ZFHX4: variants seen among roughly 807,000 people sequenced by gnomAD.
ZFHX4 encodes the protein zinc finger homeobox 4.
Under a neutral mutation model 267.6 loss-of-function variants are expected in ZFHX4, and 56 were observed. That is an observed-to-expected ratio of 0.21 (90% CI 0.17 to 0.26). The LOEUF (loss-of-function observed/expected upper bound fraction) is 0.26. Ranked by LOEUF, ZFHX4 falls within the 10% of genes least tolerant of loss-of-function variation. ZFHX4 has a pLI of 1.00. For missense variants in ZFHX4, 4,332 were observed against 4,420.0 expected (o/e 0.98, Z 0.56); for synonymous variants, 1,778 against 1,665.6 (o/e 1.07, Z -1.64).
rs1201970819 is a variant in ZFHX4, at chr8:76,852,095, C to A, written c.5174C>A (p.Thr1725Asn). The change falls in exon 10 of 11, where the codon ACC becomes AAC. Residue 1725 changes from threonine (T) to asparagine (N), a missense_variant. Physicochemically the swap from Thr to Asn is moderately conservative, Grantham distance 65 (BLOSUM62 0). Coordinates refer to ENST00000651372, the MANE Select transcript of ZFHX4 (RefSeq NM_024721.5). ...GCCTTTTTGCCTCATTTTCCTATGA[C>A]CCCAGAAGCACTGCTGCAGTTTCAG... ...NPAFLPHFPM[T>N]PEALLQFQQP... 8 of 1,613,852 alleles carry A rather than the reference C, an allele frequency of 5.0e-6. No individual in the cohort carries two copies. In the Admixed American group the frequency reaches 8.3e-5, roughly 17 times the overall value.
At chr8:76,843,539 G>A (rs990331725) in intron 6 of ZFHX4, among the ~76,000 whole-genome samples, 1 of 152,104 alleles carries the variant, frequency 6.6e-6, no homozygotes, top group Admixed American at 6.6e-5. Flanking sequence ...GCAAATATAT[G>A]ACTTCATCCA....
At chr8:76,762,012 G>T (rs912219531) in intron 3 of ZFHX4, among the ~76,000 whole-genome samples, 1 of 152,174 alleles carries the variant, frequency 6.6e-6, no homozygotes, top group African/African-American at 2.4e-5. Context: ...AAGATTTTTA[G>T]AATGCTTTCT....
Position 76,708,099 on chromosome 8 carries a change from C to G in ZFHX4, c.3093+51C>G, listed in dbSNP as rs775591598. On this transcript the variant is annotated intron_variant, in intron 3 of 10. Transcript: ENST00000651372. ...GGCACAGAGTAGAAAAGGGAATTAA[C>G]TCTTTCAGAGCTTGGAGCACAAGTC... 2.5e-6 allele frequency: 4 copies of G among 1,603,926 alleles called. No individual in the cohort carries two copies. The African/African-American group carries it at 5.4e-5, about 21-fold the overall frequency.
intron 1 of ZFHX4, chr8:76,682,676 C>CGTGTGG (rs1807572061): frequency 6.5e-6 from 1 of 153,010 alleles, no homozygotes; most frequent in African/African-American, 2.4e-5. Flanking sequence ...GGGGTGTGTG[C>CGTGTGG]GTGTGCGTGT....
intron 4 of ZFHX4, among the ~76,000 whole-genome samples, chr8:76,806,300 G>A (rs1408142407): frequency 6.6e-6 from 1 of 152,058 alleles, no homozygotes; most frequent in Non-Finnish European, 1.5e-5. Flanking sequence ...ACAGGGAAAT[G>A]ATGAGATGGC....
rs368515394 is a variant in ZFHX4 at position 76,705,273 on chromosome 8, G to A, written c.1185G>A (p.Pro395=). Residue 395 remains proline, a synonymous_variant, in exon 2 of 11, where the codon CCG becomes CCA. Coordinates refer to ENST00000651372, the MANE Select transcript of ZFHX4 (RefSeq NM_024721.5). ...SASTSSSAEQ[P]LGITQMPKAE... ...GCACCTCGAGCTCAGCAGAGCAGCC[G>A]CTGGGGATTACCCAAATGCCAAAGG... The A allele has an allele frequency of 5.0e-5, 81 of 1,613,958 alleles. No homozygotes were observed. In the African/African-American group the frequency reaches 7.6e-4, roughly 15 times the overall value.
At chr8:76,701,618 C>A (rs892271324) in intron 1 of ZFHX4, among the ~76,000 whole-genome samples, 1 of 152,088 alleles carries the variant, frequency 6.6e-6, no homozygotes, top group Non-Finnish European at 1.5e-5. Flanking sequence ...ACATTTTATG[C>A]AATTCATTTG....
chr8:76,834,430 C>T (rs1812017162), intron 5 of ZFHX4: 1 of 212,800 alleles, frequency 4.7e-6, no homozygotes, highest in Non-Finnish European at 9.8e-6. Flanking sequence ...TGGCCATTTT[C>T]ATAGGTGTGT....
intron 4 of ZFHX4, among the ~76,000 whole-genome samples, chr8:76,787,804 C>T (rs1810732868): frequency 1.3e-5 from 2 of 151,934 alleles, no homozygotes; most frequent in South Asian, 4.1e-4. Context: ...CTGAGCAAGA[C>T]TCTGCCTCAA....
At chr8:76,848,582 G>A (rs16939377) in intron 6 of ZFHX4, among the ~76,000 whole-genome samples, 4 of 152,144 alleles carry the variant, frequency 2.6e-5, no homozygotes, top group African/African-American at 7.2e-5. Flanking sequence ...TTCTCAGAAC[G>A]TTGAAATATT....
chr8:76,862,980 C>G, intron 10 of ZFHX4, 114 bp from the exon 11 acceptor site: 1 of 1,390,926 alleles, frequency 7.2e-7, no homozygotes, highest in Non-Finnish European at 9.3e-7. Context: ...GTGTGTAATA[C>G]ATCTTTTCTG....
intron 3 of ZFHX4, among the ~76,000 whole-genome samples, chr8:76,718,562 G>A (rs1295049149): frequency 6.6e-6 from 1 of 152,110 alleles, no homozygotes; most frequent in East Asian, 1.9e-4. Flanking sequence ...CTTAAAAATA[G>A]GTGCAAGGGG....
intron 3 of ZFHX4, among the ~76,000 whole-genome samples, chr8:76,730,568 G>A (rs1808981965): frequency 1.3e-5 from 2 of 152,068 alleles, no homozygotes; most frequent in Admixed American, 1.3e-4. Flanking sequence ...GCATGGTGAT[G>A]GGCACCTGTA....
At chr8:76,819,635 G>A (rs1005868196) in intron 4 of ZFHX4, among the ~76,000 whole-genome samples, 21 of 152,158 alleles carry the variant, frequency 1.4e-4, no homozygotes, top group African/African-American at 4.6e-4. Context: ...CATGCATTTG[G>A]CAGGAAGAAG....
intron 3 of ZFHX4, among the ~76,000 whole-genome samples, chr8:76,759,057 C>T (rs530442283): frequency 6.6e-5 from 10 of 152,258 alleles, no homozygotes; most frequent in African/African-American, 2.4e-4. Context: ...GAAAGATTTT[C>T]TTTACATACA....
At chr8:76,743,532 C>T (rs1039661472) in intron 3 of ZFHX4, among the ~76,000 whole-genome samples, 3 of 152,164 alleles carry the variant, frequency 2.0e-5, no homozygotes, top group Admixed American at 2.0e-4. Flanking sequence ...AACCTTAAAA[C>T]TCCCAACTCT....
chr8:76,760,738 G>A (rs1809888632), intron 3 of ZFHX4, among the ~76,000 whole-genome samples: 1 of 151,818 alleles, frequency 6.6e-6, no homozygotes, highest in Admixed American at 6.6e-5. Context: ...GACCAGCCTG[G>A]GCAACATAAG....
At chr8:76,709,307 T>C (rs1328306302) in intron 3 of ZFHX4, among the ~76,000 whole-genome samples, 2 of 152,184 alleles carry the variant, frequency 1.3e-5, no homozygotes, top group Non-Finnish European at 2.9e-5. Flanking sequence ...TGTGGATCAA[T>C]AATGAAAGCA....
intron 4 of ZFHX4, among the ~76,000 whole-genome samples, chr8:76,797,884 G>A (rs6988894): frequency 0.018 from 2,519 of 142,196 alleles, 82 homozygotes; most frequent in African/African-American, 0.064. Flanking sequence ...GTGTGTGTCT[G>A]TATGTGTGTG....
Sources: gnomAD v4.1 joint callset for allele counts (sites outside exome capture counted in the v4.1 genomes callset) on GRCh38, gnomAD v4.1.1 for gene constraint, MANE v1.5 for transcripts, NCBI Gene and HGNC (gene_info 2026-07-23, HGNC 2026-07-21) for gene names.